Variants in UBQLN1 observed in about 807,000 individuals in gnomAD.
The protein encoded by UBQLN1 is ubiquilin-1.
UBQLN1 carries 13 observed loss-of-function variants against 65.4 expected under a neutral mutation model. The ratio of observed to expected loss-of-function variants is 0.20; its 90% CI spans 0.13 to 0.32. UBQLN1 has a LOEUF of 0.32. Among genes scored for constraint, UBQLN1 ranks in the 10% least tolerant of loss-of-function variants. The pLI, the probability that UBQLN1 is intolerant of heterozygous loss-of-function variation, is 1.00. For missense variants in UBQLN1, 561 were observed against 724.0 expected (o/e 0.77, Z 2.58); for synonymous variants, 267 against 247.8 (o/e 1.08, Z -0.73).
intron 9 of UBQLN1, 24 bp downstream of exon 9, chr9:83,665,006 A>G (rs1041513398): frequency 3.9e-6 from 6 of 1,528,140 alleles, no homozygotes; most frequent in Non-Finnish European, 5.4e-6. Context: ...ATACACTTTC[A>G]TTATCTTCCC....
At chr9:83,704,138 T>C (rs1257480693) in intron 1 of UBQLN1, among the ~76,000 whole-genome samples, 1 of 152,210 alleles carries the variant, frequency 6.6e-6, no homozygotes, top group African/African-American at 2.4e-5. Context: ...AGGTACAAAT[T>C]TTAAAGACTA....
intron 6 of UBQLN1, 66 bp downstream of exon 6, chr9:83,677,661 T>C (rs1021427456): frequency 8.6e-7 from 1 of 1,160,946 alleles, no homozygotes; most frequent in Admixed American, 2.2e-5. Context: ...AATAAGAGTA[T>C]AAACAATGTT....
At position 83,707,363 on chromosome 9, in the gene UBQLN1, T is replaced by A. The variant is rs111607230; in HGVS notation, c.180+137A>T. On this transcript the variant is annotated intron_variant, in intron 1 of 10. Transcript: ENST00000376395. ...AGGCGCAAACCCACGAACTTGGGTG[T>A]GATCTAATTTGGGACGACGCCCGGG... 3,396 of 952,784 alleles carry A rather than the reference T, an allele frequency of 3.6e-3. 62 individuals are homozygous for A. The African/African-American group carries it at 0.04, about 11-fold the overall frequency. 59.0% of individuals were successfully genotyped at this position (952,784 alleles called of 1,614,324 possible).
chr9:83,677,562 C>CA (rs931520304), intron 6 of UBQLN1, among the ~76,000 whole-genome samples, 165 bp downstream of exon 6: 1 of 133,748 alleles, frequency 7.5e-6, no homozygotes, highest in Non-Finnish European at 1.6e-5. Context: ...AGCTCTATCT[C>CA]AAAAAAACAA....
Position 83,661,618 on chromosome 9 carries a change from T to A in UBQLN1, c.*169A>T, listed in dbSNP as rs1554726207. 8 of 408,432 alleles carry A rather than the reference T, an allele frequency of 2.0e-5. No individual in the cohort carries two copies. Among genetic ancestry groups the A allele is most frequent in the Non-Finnish European group, 3.1e-5 (8 of 258,678 alleles). The allele number at this position is 408,432 out of a possible 1,614,324, so 25.3% of individuals were successfully genotyped here. A position where few individuals can be genotyped will look rare whatever the true frequency, so the allele number is the denominator to read the frequency against. ...TTCCCACTGTTCCAGAAAAGAAAAA[T>A]ACAGAAAAACCCACACATCTTACTG... On this transcript the variant is annotated 3_prime_UTR_variant, in exon 11 of 11. Coordinates refer to ENST00000376395, the MANE Select transcript of UBQLN1 (RefSeq NM_013438.5).
intron 6 of UBQLN1, among the ~76,000 whole-genome samples, chr9:83,674,458 T>G (rs749229820): frequency 1.3e-5 from 2 of 152,154 alleles, no homozygotes; most frequent in Non-Finnish European, 2.9e-5. Flanking sequence ...CATAGCCACT[T>G]TTTCACAAAA....
chr9:83,686,054 A>G lies in UBQLN1; in HGVS notation c.282T>C (p.His94=). 2 of 1,608,408 alleles carry G rather than the reference A, an allele frequency of 1.2e-6. No homozygotes were observed. Among genetic ancestry groups the G allele is most frequent in the East Asian group, 2.3e-5 (1 of 44,344 alleles). ...GAACAGTAAGTCCATCATGAATTCC[A>G]TGCTGACTCAAGGTATCTTGATCTT... ...ILKDQDTLSQ[H]GIHDGLTVHL... The change falls in exon 2 of 11, where the codon CAT becomes CAC. Residue 94 remains histidine, a synonymous_variant. Transcript: ENST00000376395.
chr9:83,662,269 C>CAT (rs1158613204), intron 10 of UBQLN1, among the ~76,000 whole-genome samples: 3 of 114,546 alleles, frequency 2.6e-5, no homozygotes, highest in Non-Finnish European at 5.1e-5. Flanking sequence ...TATACATATA[C>CAT]ATATACACAC....
rs1832034949 is a variant in UBQLN1, at chr9:83,686,050, T to C, written c.286A>G (p.Ile96Val). ...KDQDTLSQHG[I>V]HDGLTVHLVI... is the part of the protein sequence containing the mutation. ...AGGTGAACAGTAAGTCCATCATGAA[T>C]TCCATGCTGACTCAAGGTATCTTGA... is the stretch of plus-strand genomic sequence containing the variant. The change falls in exon 2 of 11, where the codon ATT becomes GTT. Residue 96 changes from isoleucine (I) to valine (V), a missense_variant. By Grantham distance (29) the Ile-to-Val change is conservative. This residue lies in a region of UBQLN1 where 18 missense variants were observed against 45.1 expected (regional missense o/e 0.40). Coordinates refer to ENST00000376395, the MANE Select transcript of UBQLN1 (RefSeq NM_013438.5). 1 of 1,607,800 alleles carries C rather than the reference T, an allele frequency of 6.2e-7. No homozygotes were observed. The highest frequency in any genetic ancestry group is 1.3e-5 in the African/African-American group (1 of 74,376).
chr9:83,686,622 C>T (rs937358064), intron 1 of UBQLN1, among the ~76,000 whole-genome samples: 4 of 152,104 alleles, frequency 2.6e-5, no homozygotes, highest in African/African-American at 9.7e-5. Context: ...TAGTTCGAGC[C>T]ACAGTTAGCT....
rs148126802 is a variant in UBQLN1, at chr9:83,672,694, T to C, written c.1106-3367A>G. On this transcript the variant is annotated intron_variant, in intron 6 of 10. Transcript: ENST00000376395. ...CAGAATAATGAAAAAGCCTGAAATA[T>C]TGTGAGAATTATCAAAATGTGACAC... Among the ~76,000 whole-genome samples, 10 of 152,262 alleles carry C rather than the reference T, an allele frequency of 6.6e-5. No individual in the cohort carries two copies. The East Asian group carries it at 1.9e-3, about 29-fold the overall frequency.
At chr9:83,674,615 C>A (rs1050557968) in intron 6 of UBQLN1, among the ~76,000 whole-genome samples, 1 of 152,194 alleles carries the variant, frequency 6.6e-6, no homozygotes, top group African/African-American at 2.4e-5. Context: ...AATAAACTCA[C>A]TGAAGTCTAC....
intron 1 of UBQLN1, among the ~76,000 whole-genome samples, chr9:83,699,543 G>A (rs1243977173): frequency 1.3e-5 from 2 of 152,100 alleles, no homozygotes; most frequent in Non-Finnish European, 2.9e-5. Flanking sequence ...GGAGGTGGGG[G>A]CTGCAGTGAG....
chr9:83,668,962 T>A (rs897954235), intron 7 of UBQLN1: 8 of 488,794 alleles, frequency 1.6e-5, no homozygotes, highest in Middle Eastern at 1.2e-3. Context: ...CCTGCACTTC[T>A]TTCTAGTCAA....
intron 1 of UBQLN1, among the ~76,000 whole-genome samples, chr9:83,690,927 C>T (rs1401148866): frequency 6.6e-6 from 1 of 152,226 alleles, no homozygotes; most frequent in African/African-American, 2.4e-5. Context: ...CACCTGAGGT[C>T]AGGAATTCGA....
intron 1 of UBQLN1, among the ~76,000 whole-genome samples, chr9:83,696,233 T>C (rs1333261958): frequency 1.3e-5 from 2 of 152,234 alleles, no homozygotes; most frequent in Non-Finnish European, 2.9e-5. Context: ...TGTCTTGATA[T>C]ATGTAAACAA....
chr9:83,704,028 AATTTT>A (rs1372884475), intron 1 of UBQLN1, among the ~76,000 whole-genome samples: 1 of 152,234 alleles, frequency 6.6e-6, no homozygotes, highest in Non-Finnish European at 1.5e-5. Context: ...TATTGAAAGA[AATTTT>A]AACTTATAGA....
chr9:83,674,357 CACTGCCGGA>C (rs1169799169), intron 6 of UBQLN1, among the ~76,000 whole-genome samples: 1 of 152,104 alleles, frequency 6.6e-6, no homozygotes, highest in African/African-American at 2.4e-5. Context: ...CATATATAAG[CACTGCCGGA>C]CCAACCACTC....
intron 1 of UBQLN1, among the ~76,000 whole-genome samples, chr9:83,702,563 T>A (rs1315653669): frequency 6.6e-6 from 1 of 152,146 alleles, no homozygotes; most frequent in Non-Finnish European, 1.5e-5. Flanking sequence ...TAATAAAAGG[T>A]CAAATTAATT....
Sources: gnomAD v4.1 joint callset for allele counts (sites outside exome capture counted in the v4.1 genomes callset) on GRCh38, gnomAD v4.1.1 for gene constraint, gnomAD v4.1.1 regional missense constraint, MANE v1.5 for transcripts, NCBI Gene and HGNC (gene_info 2026-07-23, HGNC 2026-07-21) for gene names.